Variants in NAF1 observed in about 807,000 individuals in gnomAD.
NAF1 encodes nuclear assembly factor 1 ribonucleoprotein, also known as H/ACA ribonucleoprotein complex non-core subunit NAF1.
A neutral mutation model predicts 40.6 loss-of-function variants in NAF1; 11 were observed. The ratio of observed to expected loss-of-function variants is 0.27; its 90% CI spans 0.17 to 0.45. The LOEUF is 0.45. Ranked by LOEUF, NAF1 falls within the 20% of genes least tolerant of loss-of-function variation. The pLI is 1.00. For missense variants in NAF1, 607 were observed against 611.1 expected (o/e 0.99, Z 0.07); for synonymous variants, 260 against 228.5 (o/e 1.14, Z -1.24).
intron 2 of NAF1, among the ~76,000 whole-genome samples, chr4:163,163,998 A>G (rs1732338747): frequency 6.6e-6 from 1 of 152,214 alleles, no homozygotes; most frequent in Admixed American, 6.5e-5. Flanking sequence ...CATAATCGGA[A>G]CAATTATCAA....
At chr4:163,152,916 G>C (rs1367671291) in intron 2 of NAF1, among the ~76,000 whole-genome samples, 1 of 152,208 alleles carries the variant, frequency 6.6e-6, no homozygotes, top group African/African-American at 2.4e-5. Context: ...GGTGGGCATG[G>C]GCTTGGAGGG....
At chr4:163,132,612 G>C (rs774178799) in intron 7 of NAF1, among the ~76,000 whole-genome samples, 4 of 152,138 alleles carry the variant, frequency 2.6e-5, no homozygotes, top group Non-Finnish European at 5.9e-5. Flanking sequence ...GAGGCAACTG[G>C]GTAGCTCTCT....
intron 2 of NAF1, among the ~76,000 whole-genome samples, chr4:163,111,552 A>C (rs897545929): frequency 1.3e-5 from 2 of 152,166 alleles, no homozygotes; most frequent in Non-Finnish European, 2.9e-5. Flanking sequence ...TTTGGACGTT[A>C]ACATACCTAT....
At chr4:163,105,861 T>C (rs895974353), downstream of NAF1, among the ~76,000 whole-genome samples, 1 of 152,226 alleles carries the variant, frequency 6.6e-6, no homozygotes, top group East Asian at 1.9e-4. Context: ...TGTCACTGAA[T>C]GCAAGCTCTA....
At chr4:163,126,983 T>C, downstream of NAF1, 2 of 1,550,572 alleles carry the variant, frequency 1.3e-6, no homozygotes, top group Non-Finnish European at 1.7e-6. Flanking sequence ...ACAATGCTAT[T>C]GCATACTTAA....
intron 2 of NAF1, among the ~76,000 whole-genome samples, chr4:163,115,837 A>C (rs537756403): frequency 6.6e-6 from 1 of 152,340 alleles, no homozygotes; most frequent in South Asian, 2.1e-4. Context: ...TATAATGTGT[A>C]CAAATGCAAC....
At chr4:163,105,322 TTAAG>T (rs1214206918), downstream of NAF1, among the ~76,000 whole-genome samples, 4 of 152,164 alleles carry the variant, frequency 2.6e-5, no homozygotes, top group Non-Finnish European at 5.9e-5. Context: ...ATTATAAACA[TTAAG>T]TAAGATAACA....
rs1432294564 is a variant in NAF1, at chr4:163,156,785, G to T, written c.540+7432C>A. Reference sequence around the variant, plus strand: ...AATGCTAACCTGAATACTCTACTTGGAAATGGAGATTTGTGATAAATCTAT... The same window carrying T: ...AATGCTAACCTGAATACTCTACTTGTAAATGGAGATTTGTGATAAATCTAT... On this transcript the variant is annotated intron_variant, in intron 2 of 7. Coordinates refer to ENST00000274054, the MANE Select transcript of NAF1 (RefSeq NM_138386.3). Among the ~76,000 whole-genome samples, 3 of 152,082 alleles carry T rather than the reference G, an allele frequency of 2.0e-5. No individual in the cohort carries two copies. In the South Asian group the frequency reaches 6.2e-4, roughly 31 times the overall value.
chr4:163,164,399 G>C lies in NAF1; in HGVS notation c.366-8C>G. On this transcript the variant is annotated splice_polypyrimidine_tract_variant and splice_region_variant and intron_variant, in intron 1 of 7. Transcript: ENST00000274054. ...CTATCTGAATCTGTTTCACTGTAGGGAAGAAAACAGTTAAAAAAATAGTCC... is the reference window on the plus strand; with the variant it reads ...CTATCTGAATCTGTTTCACTGTAGGCAAGAAAACAGTTAAAAAAATAGTCC... 1 of 1,515,886 alleles carries C rather than the reference G, an allele frequency of 6.6e-7. No individual in the cohort carries two copies. The highest frequency in any genetic ancestry group is 8.8e-7 in the Non-Finnish European group (1 of 1,134,672). 93.9% of individuals were successfully genotyped at this position (1,515,886 alleles called of 1,614,324 possible).
rs1579110410 is a variant in NAF1, at chr4:163,110,168, T to A, written c.*108A>T. 4 of 612,482 alleles carry A rather than the reference T, an allele frequency of 6.5e-6. No individual in the cohort carries two copies. In the East Asian group the frequency reaches 1.1e-4, roughly 17 times the overall value. The allele number at this position is 612,482 out of a possible 1,614,324, so 37.9% of individuals were successfully genotyped here. ...GCAACTCTTCTATGGATAAGAATGCTTGACTAGGCTGGTAGACTTGCTGTT... is the reference window on the plus strand; with the variant it reads ...GCAACTCTTCTATGGATAAGAATGCATGACTAGGCTGGTAGACTTGCTGTT... On this transcript the variant is annotated 3_prime_UTR_variant, in exon 3 of 3. Coordinates refer to the NAF1 transcript ENST00000509434.
At chr4:163,111,119 GTTT>G (rs1171079098) in intron 2 of NAF1, among the ~76,000 whole-genome samples, 1 of 151,906 alleles carries the variant, frequency 6.6e-6, no homozygotes, top group Non-Finnish European at 1.5e-5. Context: ...ACTACCTTTT[GTTT>G]TTTTCAGAAG....
At chr4:163,163,494 GA>G (rs914684765) in intron 2 of NAF1, among the ~76,000 whole-genome samples, 3 of 151,736 alleles carry the variant, frequency 2.0e-5, no homozygotes, top group South Asian at 2.1e-4. Context: ...TGCAGGGGTA[GA>G]AAAAAAACAA....
rs759630461 is a variant in NAF1, at chr4:163,166,420, T to A, written c.308A>T (p.Glu103Val). The A allele has an allele frequency of 6.2e-7, 1 of 1,608,122 alleles. No homozygotes were observed. The highest frequency in any genetic ancestry group is 1.7e-5 in the Admixed American group (1 of 59,586). The part of the protein sequence containing the change: ...GDCVTSPGAA[E>V]PARAPDSLET... ...CAAGGAGTCCGGCGCCCGCGCAGGC[T>A]CTGCGGCTCCTGGGGAGGTGACGCA... Residue 103 changes from glutamate (E) to valine (V), a missense_variant, in exon 1 of 8, where the codon GAG becomes GTG. Glu to Val is a moderately radical substitution (Grantham distance 121, BLOSUM62 -2). This residue lies in a region of NAF1 where 407 missense variants were observed against 365.5 expected (regional missense o/e 1.11). Transcript: ENST00000274054.
At position 163,166,540 on chromosome 4, in the gene NAF1, C is replaced by G. The variant is rs769904395; in HGVS notation, c.188G>C (p.Gly63Ala). The change falls in exon 1 of 8, where the codon GGG becomes GCG. Residue 63 changes from glycine to alanine, a missense_variant. Transcript: ENST00000274054. The stretch of plus-strand genomic sequence containing the variant: ...CAGAACGGGCTGCAGAGGCTGCTCC[C>G]CGGCAGGCTTAACCTCCACGGTCTG... Reference protein sequence around the residue: ...AGQTVEVKPAGEQPLQPVLNA... With the variant: ...AGQTVEVKPAAEQPLQPVLNA... The G allele has an allele frequency of 3.8e-6, 6 of 1,588,234 alleles. No individual in the cohort carries two copies. In the South Asian group the frequency reaches 6.8e-5, roughly 18 times the overall value.
chr4:163,139,356 T>TC (rs1314804762), intron 5 of NAF1, among the ~76,000 whole-genome samples: 11 of 152,052 alleles, frequency 7.2e-5, no homozygotes, highest in Middle Eastern at 3.2e-3. Flanking sequence ...GATTTAACCT[T>TC]CCCCCAGTCT....
At chr4:163,146,681 G>A (rs781226648) in intron 3 of NAF1, among the ~76,000 whole-genome samples, 15 of 152,274 alleles carry the variant, frequency 9.9e-5, no homozygotes, top group Middle Eastern at 3.4e-3. Context: ...GGCTGGGCAC[G>A]GTGGCTCACG....
At chr4:163,144,508 A>G (rs979092506) in intron 4 of NAF1, among the ~76,000 whole-genome samples, 9 of 152,176 alleles carry the variant, frequency 5.9e-5, no homozygotes, top group Non-Finnish European at 1.5e-5. Context: ...TCTAAAAGGT[A>G]CTCAGTTTCA....
At chr4:163,152,878 C>A (rs894045600) in intron 2 of NAF1, among the ~76,000 whole-genome samples, 2 of 152,182 alleles carry the variant, frequency 1.3e-5, no homozygotes, top group Admixed American at 6.5e-5. Flanking sequence ...GGGCTGCGCG[C>A]GGCGCTTGCG....
In NAF1 at chr4:163,137,266, ATGGGAGTC is replaced by A; in HGVS notation, c.879-24_879-17del. The A allele has an allele frequency of 6.3e-7, 1 of 1,599,076 alleles. No individual in the cohort carries two copies. The highest frequency in any genetic ancestry group is 1.8e-5 in the Admixed American group (1 of 56,870). On this transcript the variant is annotated splice_polypyrimidine_tract_variant and intron_variant, in intron 5 of 7. Coordinates refer to ENST00000274054, the MANE Select transcript of NAF1 (RefSeq NM_138386.3). ...TCCCTTATCCCTGAGTGGGGTGGGG[ATGGGAGTC>A]AAAAAAGTATTCATCACAATTCTAT...
Sources: allele counts gnomAD v4.1 joint callset (sites outside exome capture counted in the v4.1 genomes callset), GRCh38; gene constraint gnomAD v4.1.1; regional missense constraint gnomAD v4.1.1; transcripts MANE v1.5; gene names NCBI Gene and HGNC (gene_info 2026-07-23, HGNC 2026-07-21).